Variants in MAP3K20 observed in about 807,000 individuals in gnomAD.
MAP3K20 encodes the protein HCCS-4.
In MAP3K20, 40 loss-of-function variants were observed where a neutral mutation model predicts 85.7. That is an observed-to-expected ratio of 0.47 (90% CI 0.36 to 0.61). MAP3K20 has a LOEUF of 0.61. Ranked by LOEUF, MAP3K20 falls within the 20% of genes least tolerant of loss-of-function variation. The probability of loss-of-function intolerance (pLI) is 0.00; values close to 1 mark genes in which losing one functional copy is unlikely to be tolerated. For synonymous variants in MAP3K20, 325 were observed against 327.7 expected, an observed-to-expected ratio of 0.99 and a Z score of 0.09; for missense variants, 817 against 961.7, an observed-to-expected ratio of 0.85 and a Z score of 1.99.
chr2:173,161,963 A>C (rs1025058386), intron 2 of MAP3K20, among the ~76,000 whole-genome samples: 8 of 152,230 alleles, frequency 5.3e-5, no homozygotes, highest in African/African-American at 1.4e-4. Flanking sequence ...CCATGCAAAT[A>C]AATATTTTAA....
In MAP3K20 at chr2:173,075,979, G is replaced by C; in HGVS notation, c.-58G>C. On this transcript the variant is annotated 5_prime_UTR_variant, in exon 1 of 20. Coordinates refer to ENST00000375213, the MANE Select transcript of MAP3K20 (RefSeq NM_016653.3). The stretch of plus-strand genomic sequence containing the variant: ...CGGGGCCTCCGCGCCCCCGGCTGCT[G>C]CTCACGCCCCGCCCGGGAGCCAGGT... 1.0e-6 allele frequency: 1 copy of C among 984,956 alleles called. No homozygotes were observed. 61.0% of individuals were successfully genotyped at this position (984,956 alleles called of 1,614,324 possible).
intron 5 of MAP3K20, among the ~76,000 whole-genome samples, chr2:173,190,039 C>T (rs1031875269): frequency 2.6e-5 from 4 of 152,106 alleles, no homozygotes; most frequent in Non-Finnish European, 4.4e-5. Context: ...TGTTCATTGG[C>T]TTTCTCTTTC....
chr2:173,102,404 G>C (rs998396180), intron 2 of MAP3K20, among the ~76,000 whole-genome samples: 2 of 152,206 alleles, frequency 1.3e-5, no homozygotes. Flanking sequence ...TCCTGGCCGT[G>C]GTTCTTATCT....
At chr2:173,159,347 C>CTCTTTCTTTCTTTCCTT (rs1689575033) in intron 2 of MAP3K20, among the ~76,000 whole-genome samples, 1 of 24,198 alleles carries the variant, frequency 4.1e-5, no homozygotes, top group Non-Finnish European at 1.8e-4. Context: ...ATGTATTTTA[C>CTCTTTCTTTCTTTCCTT]TCTTTCTTTC....
At chr2:173,090,944 G>A (rs1687278097) in intron 1 of MAP3K20, 54 bp from the exon 2 acceptor site, 1 of 1,505,566 alleles carries the variant, frequency 6.6e-7, no homozygotes, top group Non-Finnish European at 8.8e-7. Context: ...AGGATTCAGA[G>A]GATTTAGCCT....
chr2:173,212,265 G>A (rs959933889), intron 10 of MAP3K20: 1 of 99,042 alleles, frequency 1.0e-5, no homozygotes, highest in Non-Finnish European at 2.7e-5. Flanking sequence ...AGAGTCCCAG[G>A]GCATGTGGAG....
At chr2:173,168,427 C>A (rs999532338) in intron 2 of MAP3K20, among the ~76,000 whole-genome samples, 22 of 152,140 alleles carry the variant, frequency 1.4e-4, no homozygotes, top group African/African-American at 5.1e-4. Context: ...GACCCTATGC[C>A]GACCCTCAAA....
At chr2:173,127,933 A>G (rs1232299328) in intron 2 of MAP3K20, among the ~76,000 whole-genome samples, 2 of 152,182 alleles carry the variant, frequency 1.3e-5, no homozygotes, top group Admixed American at 6.5e-5. Flanking sequence ...AGAAGTGAAC[A>G]TACATGCCCA....
At chr2:173,117,598 A>C (rs1688162221) in intron 2 of MAP3K20, among the ~76,000 whole-genome samples, 1 of 152,120 alleles carries the variant, frequency 6.6e-6, no homozygotes, top group Non-Finnish European at 1.5e-5. Flanking sequence ...TTTCTAATAA[A>C]ATTATATTGA....
rs190510498 is a variant in MAP3K20 at position 173,148,555 on chromosome 2, G to A, written c.160-21250G>A. Among the ~76,000 whole-genome samples the A allele has an allele frequency of 2.7e-4, 41 of 152,244 alleles. 1 individual carries two copies. The highest frequency in any genetic ancestry group is 9.9e-4 in the African/African-American group (41 of 41,552). On this transcript the variant is annotated intron_variant, in intron 2 of 19. Coordinates refer to ENST00000375213, the MANE Select transcript of MAP3K20 (RefSeq NM_016653.3). ...TTGAGCAGACCTTCATAAACACCTT[G>A]CTAAATCTAGGACAGCAGGAAAGAC...
At chr2:173,110,241 A>ATT (rs1163430418) in intron 2 of MAP3K20, among the ~76,000 whole-genome samples, 9 of 14,230 alleles carry the variant, frequency 6.3e-4, no homozygotes, top group African/African-American at 1.7e-3. Context: ...ATATATATAT[A>ATT]TTTTTTTTTT....
intron 2 of MAP3K20, among the ~76,000 whole-genome samples, chr2:173,125,493 AGTTAAAT>A (rs1688414451): frequency 6.7e-6 from 1 of 148,940 alleles, no homozygotes; most frequent in East Asian, 2.0e-4. Flanking sequence ...TAGGAAGTGA[AGTTAAAT>A]GTTAGATGTG....
rs77100170 is a variant in MAP3K20 at position 173,096,782 on chromosome 2, A to T, written c.159+5592A>T. 9.2e-5 allele frequency among the ~76,000 whole-genome samples: 14 copies of T among 152,314 alleles called. No homozygotes were observed. In the East Asian group the frequency reaches 2.7e-3, roughly 29 times the overall value. On this transcript the variant is annotated intron_variant, in intron 2 of 19. Coordinates refer to ENST00000375213, the MANE Select transcript of MAP3K20 (RefSeq NM_016653.3). ...TGCAAGACCTCAGTTTAGCTTGTTT[A>T]CATTATTTGCAGATTTACTTACAGT...
At chr2:173,214,984 G>A (rs1231018812) in intron 10 of MAP3K20, among the ~76,000 whole-genome samples, 1 of 152,204 alleles carries the variant, frequency 6.6e-6, no homozygotes, top group African/African-American at 2.4e-5. Context: ...CTGAGAGACA[G>A]ATTGAGGAAG....
chr2:173,257,730 A>G (rs536658898), intron 16 of MAP3K20, among the ~76,000 whole-genome samples: 1 of 152,192 alleles, frequency 6.6e-6, no homozygotes, highest in African/African-American at 2.4e-5. Flanking sequence ...AATTACCAAA[A>G]TTTTTCTGAA....
At chr2:173,228,624 G>A (rs745877971) in intron 11 of MAP3K20, among the ~76,000 whole-genome samples, 19 of 152,084 alleles carry the variant, frequency 1.2e-4, no homozygotes, top group Non-Finnish European at 2.8e-4. Context: ...CGAGATTCAG[G>A]TGACCTTGGA....
chr2:173,139,417 G>A (rs1688904007), intron 2 of MAP3K20, among the ~76,000 whole-genome samples: 1 of 152,188 alleles, frequency 6.6e-6, no homozygotes, highest in African/African-American at 2.4e-5. Flanking sequence ...CTATTAGAAA[G>A]TTCTTCTCTG....
chr2:173,223,198 T>C (rs1303185812), intron 11 of MAP3K20: 19 of 985,204 alleles, frequency 1.9e-5, no homozygotes, highest in Non-Finnish European at 2.3e-5. Context: ...GGGTGTGAGG[T>C]GTACAGCAGT....
chr2:173,113,701 T>G (rs1377602866), intron 2 of MAP3K20, among the ~76,000 whole-genome samples: 2 of 152,216 alleles, frequency 1.3e-5, no homozygotes, highest in Non-Finnish European at 2.9e-5. Flanking sequence ...TGCATGGTTT[T>G]GAAGGTCCTT....
Sources: gnomAD v4.1 joint callset for allele counts (sites outside exome capture counted in the v4.1 genomes callset) on GRCh38, gnomAD v4.1.1 for gene constraint, MANE v1.5 for transcripts, NCBI Gene and HGNC (gene_info 2026-07-23, HGNC 2026-07-21) for gene names.